Variants in LCA5 observed in about 807,000 individuals in gnomAD.
The protein encoded by LCA5 is lebercilin.
Under a neutral mutation model 53.0 loss-of-function variants are expected in LCA5, and 37 were observed. The ratio of observed to expected loss-of-function variants is 0.70; its 90% CI spans 0.54 to 0.92. The LOEUF is 0.92. Among genes scored for constraint, LCA5 ranks in the 40% least tolerant of loss-of-function variants. The pLI, the probability that LCA5 is intolerant of heterozygous loss-of-function variation, is 0.00. For synonymous variants in LCA5, 303 were observed against 282.9 expected (o/e 1.07, Z -0.71); for missense variants, 806 against 790.5 (o/e 1.02, Z -0.23).
At chr6:79,528,792 C>T (rs1355873225) in intron 1 of LCA5, among the ~76,000 whole-genome samples, 2 of 152,170 alleles carry the variant, frequency 1.3e-5, no homozygotes, top group Non-Finnish European at 2.9e-5. Flanking sequence ...TAAATGCCAT[C>T]AGCCAAATGG....
intron 1 of LCA5, among the ~76,000 whole-genome samples, chr6:79,532,271 C>T (rs975505659): frequency 6.6e-6 from 1 of 152,190 alleles, no homozygotes; most frequent in Non-Finnish European, 1.5e-5. Context: ...GTCTAGTCCA[C>T]ATCCATGTTT....
chr6:79,504,398 A>G (rs1770222515), intron 3 of LCA5, among the ~76,000 whole-genome samples: 1 of 152,228 alleles, frequency 6.6e-6, no homozygotes, highest in South Asian at 2.1e-4. Context: ...CTAGAACCAG[A>G]ATAGGTTCAG....
In LCA5 at chr6:79,493,651, G is replaced by T. The variant is rs1439528438; in HGVS notation, c.820C>A (p.Leu274Ile). The T allele has an allele frequency of 5.0e-6, 8 of 1,613,452 alleles. No homozygotes were observed. The highest frequency in any genetic ancestry group is 6.8e-6 in the Non-Finnish European group (8 of 1,179,674). The change falls in exon 4 of 8, where the codon CTT (leucine) becomes ATT (isoleucine). Residue 274 changes from leucine (L) to isoleucine (I), a missense_variant. By Grantham distance (5) the Leu-to-Ile change is conservative. Transcript: ENST00000369846. ...TATAGTCGCTGTACCTCCTTTTGAA[G>T]AACTTTATTTTCATCATGAGCCTCA... ...AYEAHDENKV[L>I]QKEVQRLYHK...
chr6:79,486,912 A>G lies in LCA5; in HGVS notation c.*92T>C. 2 of 1,065,870 alleles carry G rather than the reference A, an allele frequency of 1.9e-6. No homozygotes were observed. The highest frequency in any genetic ancestry group is 2.7e-6 in the Non-Finnish European group (2 of 746,246). The allele number at this position is 1,065,870 out of a possible 1,614,324, so 66.0% of individuals were successfully genotyped here. On this transcript the variant is annotated 3_prime_UTR_variant, in exon 8 of 8. Transcript: ENST00000369846. ...TTAAAAATCATTCCTTAATAAGGAC[A>G]TTTTAGCATTAAAAAGTCTAAATGT...
chr6:79,486,848 G>C lies in LCA5; in HGVS notation c.*156C>G, dbSNP rs1769670691. On this transcript the variant is annotated 3_prime_UTR_variant, in exon 8 of 8. Coordinates refer to ENST00000369846, the MANE Select transcript of LCA5 (RefSeq NM_001122769.3). ...TTGGCAAACTATCTATGTGGTGTAT[G>C]TATGATCTACTTCTTTTTAACTGCA... 7.9e-6 allele frequency: 5 copies of C among 634,800 alleles called. No individual in the cohort carries two copies. Among genetic ancestry groups the C allele is most frequent in the African/African-American group, 5.5e-5 (3 of 54,692 alleles). The allele number at this position is 634,800 out of a possible 1,614,324, so 39.3% of individuals were successfully genotyped here.
At chr6:79,527,774 A>C (rs1292619507) in intron 1 of LCA5, among the ~76,000 whole-genome samples, 1 of 152,146 alleles carries the variant, frequency 6.6e-6, no homozygotes, top group Admixed American at 6.5e-5. Flanking sequence ...GAACCAAAGG[A>C]AGCGTCTTGG....
intron 3 of LCA5, among the ~76,000 whole-genome samples, chr6:79,511,400 A>G (rs1770406223): frequency 6.6e-6 from 1 of 152,168 alleles, no homozygotes; most frequent in East Asian, 1.9e-4. Context: ...CCATTTATAT[A>G]ACATTCTTGA....
intron 4 of LCA5, among the ~76,000 whole-genome samples, chr6:79,493,035 C>T (rs1769885615): frequency 6.6e-6 from 1 of 151,858 alleles, no homozygotes; most frequent in South Asian, 2.1e-4. Flanking sequence ...CATACTTGAC[C>T]ATTTTGGGTC....
chr6:79,536,768 A>T (rs572668392), intron 1 of LCA5, among the ~76,000 whole-genome samples: 16 of 152,110 alleles, frequency 1.1e-4, no homozygotes, highest in African/African-American at 3.9e-4. Context: ...TCTAGTCTTG[A>T]GTCTCCACGG....
chr6:79,531,217 C>G (rs1009897037), intron 1 of LCA5, among the ~76,000 whole-genome samples: 1 of 152,174 alleles, frequency 6.6e-6, no homozygotes, highest in Admixed American at 6.5e-5. Flanking sequence ...CCACCTGTAT[C>G]TATCCCATCC....
intron 1 of LCA5, among the ~76,000 whole-genome samples, chr6:79,534,409 G>GTTCA (rs958076815): frequency 3.3e-5 from 5 of 151,984 alleles, no homozygotes; most frequent in African/African-American, 1.2e-4. Context: ...ATCCTAAGAT[G>GTTCA]TTCATTCATT....
At chr6:79,520,937 A>G (rs1766606655) in intron 1 of LCA5, among the ~76,000 whole-genome samples, 1 of 152,224 alleles carries the variant, frequency 6.6e-6, no homozygotes, top group South Asian at 2.1e-4. Flanking sequence ...TAAGAAAAAT[A>G]AAATGGGTTC....
At chr6:79,535,718 G>C (rs1481143198) in intron 1 of LCA5, among the ~76,000 whole-genome samples, 1 of 152,070 alleles carries the variant, frequency 6.6e-6, no homozygotes, top group Non-Finnish European at 1.5e-5. Context: ...AAAAGTTCCA[G>C]ATCAGAAATA....
At chr6:79,503,454 T>A (rs933443592) in intron 3 of LCA5, among the ~76,000 whole-genome samples, 19 of 152,134 alleles carry the variant, frequency 1.2e-4, no homozygotes, top group South Asian at 6.2e-4. Context: ...AAACCTTTTT[T>A]AAAAAAACAG....
chr6:79,490,081 T>C (rs1041777628), intron 6 of LCA5, among the ~76,000 whole-genome samples: 1 of 152,044 alleles, frequency 6.6e-6, no homozygotes, highest in African/African-American at 2.4e-5. Flanking sequence ...GTGACTACCA[T>C]GAAACAAAGC....
At chr6:79,502,698 A>G (rs560555170) in intron 3 of LCA5, among the ~76,000 whole-genome samples, 1 of 152,186 alleles carries the variant, frequency 6.6e-6, no homozygotes, top group Non-Finnish European at 1.5e-5. Flanking sequence ...CTGTCATTTA[A>G]AACTATGAAA....
intron 1 of LCA5, among the ~76,000 whole-genome samples, chr6:79,529,723 G>A (rs886681309): frequency 6.6e-6 from 1 of 151,984 alleles, no homozygotes; most frequent in Admixed American, 6.6e-5. Context: ...AACAATGATA[G>A]ACTGGATTAA....
rs190470567 is a variant in LCA5, at chr6:79,487,051, C to G, written c.2047G>C (p.Ala683Pro). The G allele has an allele frequency of 1.3e-5, 21 of 1,613,666 alleles. No individual in the cohort carries two copies. The African/African-American group carries it at 2.7e-4, about 20-fold the overall frequency. The change falls in exon 8 of 8, where the codon GCA becomes CCA. Residue 683 changes from alanine to proline, a missense_variant. Physicochemically the swap from Ala to Pro is conservative, Grantham distance 27. Coordinates refer to ENST00000369846, the MANE Select transcript of LCA5 (RefSeq NM_001122769.3). The part of the protein sequence containing the change: ...KHADDKPAVK[A>P]ADSVEDEIEE... ...ATTTCATCTTCTACAGAATCAGCTG[C>G]TTTTACTGCTGGTTTATCGTCTGCA...
chr6:79,519,800 AAACT>A (rs1766569230), intron 1 of LCA5, among the ~76,000 whole-genome samples: 1 of 152,038 alleles, frequency 6.6e-6, no homozygotes, highest in African/African-American at 2.4e-5. Flanking sequence ...CATTTTTTAA[AAACT>A]AAAAGAAAAA....
Sources: allele counts gnomAD v4.1 joint callset (sites outside exome capture counted in the v4.1 genomes callset), GRCh38; gene constraint gnomAD v4.1.1; transcripts MANE v1.5; gene names NCBI Gene and HGNC (gene_info 2026-07-23, HGNC 2026-07-21).